The following MARCO variants were observed in gnomAD, a reference collection of about 807,000 sequenced individuals.
MARCO encodes macrophage receptor MARCO.
Under a neutral mutation model 70.0 loss-of-function variants are expected in MARCO, and 72 were observed. The ratio of observed to expected loss-of-function variants is 1.03; its 90% CI spans 0.85 to 1.25. MARCO has a LOEUF of 1.25. Ranked by LOEUF, MARCO falls within the 50% of genes most tolerant of loss-of-function variation. MARCO has a pLI of 0.00. For missense variants in MARCO, 696 were observed against 659.3 expected (o/e 1.06, Z -0.61); for synonymous variants, 273 against 243.1 (o/e 1.12, Z -1.14).
rs780567733 is a variant in MARCO, at chr2:118,981,686, C to G, written c.901+30C>G. 5 of 1,604,970 alleles carry G rather than the reference C, an allele frequency of 3.1e-6. No individual in the cohort carries two copies. The South Asian group carries it at 5.5e-5, about 18-fold the overall frequency. ...GAACTACAGGAATCTGGGCATCATC[C>G]CAGCTACGACTGTCCCTGGCAGAGT... On this transcript the variant is annotated intron_variant, in intron 10 of 16. Transcript: ENST00000327097.
chr2:118,983,934 G>A (rs1195800760), intron 12 of MARCO, among the ~76,000 whole-genome samples: 1 of 152,158 alleles, frequency 6.6e-6, no homozygotes, highest in East Asian at 1.9e-4. Context: ...CAGTCTGAGG[G>A]TAGGGAATCC....
At chr2:118,978,641 C>T (rs374452679) in intron 8 of MARCO, among the ~76,000 whole-genome samples, 12 of 152,274 alleles carry the variant, frequency 7.9e-5, no homozygotes, top group East Asian at 1.9e-4. Context: ...GTGTGACTAA[C>T]GCAATACTTC....
chr2:118,978,126 C>A (rs1680321790), intron 8 of MARCO, among the ~76,000 whole-genome samples, 191 bp downstream of exon 8: 1 of 152,172 alleles, frequency 6.6e-6, no homozygotes, highest in Admixed American at 6.5e-5. Context: ...AGAGGGAGAA[C>A]AATGTCATTC....
At chr2:118,949,142 T>C (rs1038419654) in intron 1 of MARCO, among the ~76,000 whole-genome samples, 1 of 152,180 alleles carries the variant, frequency 6.6e-6, no homozygotes, top group African/African-American at 2.4e-5. Context: ...CTTCAGGAAA[T>C]AGCAGAAAAA....
intron 3 of MARCO, among the ~76,000 whole-genome samples, chr2:118,970,716 C>T (rs1326258043): frequency 6.6e-6 from 1 of 152,198 alleles, no homozygotes; most frequent in East Asian, 1.9e-4. Flanking sequence ...GGGCTGCAGG[C>T]TGGGGAAAAT....
At chr2:118,978,494 A>G (rs1408262677) in intron 8 of MARCO, among the ~76,000 whole-genome samples, 4 of 152,304 alleles carry the variant, frequency 2.6e-5, no homozygotes, top group Middle Eastern at 6.8e-3. Flanking sequence ...TGGGCTCTGG[A>G]CTTGACTGAG....
intron 1 of MARCO, among the ~76,000 whole-genome samples, chr2:118,965,281 C>T (rs1680023862): frequency 6.6e-6 from 1 of 152,108 alleles, no homozygotes; most frequent in African/African-American, 2.4e-5. Context: ...CGTGTAATTT[C>T]TATTGTTCTA....
chr2:118,963,111 T>C (rs1460254482), intron 1 of MARCO, among the ~76,000 whole-genome samples: 3 of 151,528 alleles, frequency 2.0e-5, no homozygotes, highest in Non-Finnish European at 4.4e-5. Flanking sequence ...TTTATATTCT[T>C]ATCTTTATTA....
intron 1 of MARCO, among the ~76,000 whole-genome samples, chr2:118,958,477 A>C (rs1192665534): frequency 6.6e-6 from 1 of 152,078 alleles, no homozygotes; most frequent in Non-Finnish European, 1.5e-5. Flanking sequence ...TTCAAAGAAA[A>C]TTACAAAACA....
In MARCO at chr2:118,982,361, C is replaced by T; in HGVS notation, c.1014C>T (p.Ser338=). Residue 338 remains serine (S), a synonymous_variant, in exon 12 of 17, where the codon AGC becomes AGT. Transcript: ENST00000327097. The stretch of plus-strand genomic sequence containing the variant: ...TCTGTTGTCCAGGACTTCCAGGGAG[C>T]CCCGGGAGTCCAGGAGCCACAGGCC... The part of the protein sequence containing the change: ...GSPGRAGLPG[S]PGSPGATGLK... 6.2e-7 allele frequency: 1 copy of T among 1,613,818 alleles called. No homozygotes were observed. Among genetic ancestry groups the T allele is most frequent in the Non-Finnish European group, 8.5e-7 (1 of 1,179,858 alleles).
intron 12 of MARCO, among the ~76,000 whole-genome samples, chr2:118,982,742 AT>A (rs1482456803): frequency 1.3e-5 from 2 of 152,192 alleles, no homozygotes; most frequent in East Asian, 3.9e-4. Context: ...CTAACCCTTC[AT>A]TGGGGCCCCT....
chr2:118,951,090 C>T (rs1485819339), intron 1 of MARCO, among the ~76,000 whole-genome samples: 1 of 152,202 alleles, frequency 6.6e-6, no homozygotes, highest in Non-Finnish European at 1.5e-5. Flanking sequence ...ACAGCTCCCA[C>T]CTTTGAGCAG....
chr2:118,956,550 A>G (rs1262120036), intron 1 of MARCO, among the ~76,000 whole-genome samples: 2 of 152,168 alleles, frequency 1.3e-5, no homozygotes, highest in African/African-American at 2.4e-5. Flanking sequence ...ATAGTGAGGT[A>G]CTTCAATACT....
At chr2:118,967,223 C>G (rs1274835468) in intron 1 of MARCO, among the ~76,000 whole-genome samples, 1 of 152,178 alleles carries the variant, frequency 6.6e-6, no homozygotes, top group Non-Finnish European at 1.5e-5. Flanking sequence ...TGTCCTGAAG[C>G]AGGACGGGCT....
At chr2:118,978,010 G>A in intron 8 of MARCO, 75 bp downstream of exon 8, 2 of 958,384 alleles carry the variant, frequency 2.1e-6, no homozygotes, top group Non-Finnish European at 3.2e-6. Flanking sequence ...TGTGCCATTG[G>A]GTCTATTCAG....
chr2:118,992,728 C>T (rs375269366), intron 15 of MARCO, among the ~76,000 whole-genome samples: 1 of 151,626 alleles, frequency 6.6e-6, no homozygotes. Flanking sequence ...TTTCTCTCTC[C>T]CTCCCTCCCT....
chr2:118,946,444 T>A (rs1409531607), intron 1 of MARCO, among the ~76,000 whole-genome samples: 1 of 152,138 alleles, frequency 6.6e-6, no homozygotes, highest in Non-Finnish European at 1.5e-5. Flanking sequence ...TCTTTAAGAT[T>A]GATTTTTTTT....
In MARCO at chr2:118,992,461, G is replaced by C; in HGVS notation, c.1237G>C (p.Glu413Gln). ...GSSGEQGVKGEKGERGENSVS... is the reference protein window; with the variant it reads ...GSSGEQGVKGQKGERGENSVS... The stretch of plus-strand genomic sequence containing the variant: ...TTCTGGGGAGCAAGGAGTAAAGGGA[G>C]AAAAAGGTGAAAGAGGTAATCACTA... The change falls in exon 15 of 17, where the codon GAA becomes CAA. Residue 413 changes from glutamate (E) to glutamine (Q), a missense_variant. Coordinates refer to ENST00000327097, the MANE Select transcript of MARCO (RefSeq NM_006770.4). 9 of 1,613,092 alleles carry C rather than the reference G, an allele frequency of 5.6e-6. No homozygotes were observed. Among genetic ancestry groups the C allele is most frequent in the Non-Finnish European group, 7.6e-6 (9 of 1,179,058 alleles).
At chr2:118,993,064 C>A in intron 15 of MARCO, 60 bp from the exon 16 acceptor site, 1 of 1,445,348 alleles carries the variant, frequency 6.9e-7, no homozygotes, top group Non-Finnish European at 9.7e-7. Flanking sequence ...AAAGAGCCCG[C>A]ACTTACCCAA....
Sources: allele counts gnomAD v4.1 joint callset (sites outside exome capture counted in the v4.1 genomes callset), GRCh38; gene constraint gnomAD v4.1.1; transcripts MANE v1.5; gene names NCBI Gene and HGNC (gene_info 2026-07-23, HGNC 2026-07-21).